KAT6B: variants seen among roughly 807,000 people sequenced by gnomAD.
KAT6B encodes the protein histone acetyltransferase KAT6B.
In KAT6B, 10 loss-of-function variants were observed where a neutral mutation model predicts 187.5. That is an observed-to-expected ratio of 0.05 (90% confidence interval 0.03 to 0.09). The LOEUF (loss-of-function observed/expected upper bound fraction) is 0.09. Ranked by LOEUF, KAT6B falls within the 10% of genes least tolerant of loss-of-function variation. The pLI is 1.00. For missense variants in KAT6B, 1,952 were observed against 2,558.9 expected, an observed-to-expected ratio of 0.76 and a Z score of 5.12; for synonymous variants, 861 against 926.8, an observed-to-expected ratio of 0.93 and a Z score of 1.29.
chr10:75,030,295 C>G lies in KAT6B; in HGVS notation c.5471C>G (p.Thr1824Ser), dbSNP rs763923647. Reference sequence around the variant, plus strand: ...AGCCTTGCCAAACTGCAGCAGTTAACTAATACACTTATTGATCATTCATTG... The same window carrying G: ...AGCCTTGCCAAACTGCAGCAGTTAAGTAATACACTTATTGATCATTCATTG... ...TFSLAKLQQL[T>S]NTLIDHSLPY... The change falls in exon 18 of 18, where the codon ACT (threonine) becomes AGT (serine). Residue 1824 changes from threonine to serine, a missense_variant. Thr to Ser is a moderately conservative substitution (Grantham distance 58, BLOSUM62 1). Around this residue, in one of 9 missense-constraint regions of KAT6B, gnomAD observed 358 missense variants for 436.3 expected, o/e 0.82. Coordinates refer to ENST00000287239, the MANE Select transcript of KAT6B (RefSeq NM_012330.4). This position sits in a 1 kb window ranked among gnomAD's most constrained non-coding sequence, Gnocchi z 4.8. 7 of 1,614,262 alleles carry G rather than the reference C, an allele frequency of 4.3e-6. No homozygotes were observed. The highest frequency in any genetic ancestry group is 5.9e-6 in the Non-Finnish European group (7 of 1,180,038).
chr10:74,984,806 T>A, intron 11 of KAT6B: 1 of 434,532 alleles, frequency 2.3e-6, no homozygotes, highest in Non-Finnish European at 4.2e-6. Flanking sequence ...TAAAAATTAC[T>A]CCTTTACTAG....
chr10:74,939,753 C>G (rs538180811), intron 3 of KAT6B, among the ~76,000 whole-genome samples: 1 of 152,248 alleles, frequency 6.6e-6, no homozygotes, highest in African/African-American at 2.4e-5. Flanking sequence ...TGATTTTAAA[C>G]AACTAAATTG....
chr10:74,867,404 C>T (rs1320704492), intron 3 of KAT6B, among the ~76,000 whole-genome samples: 1 of 152,076 alleles, frequency 6.6e-6, no homozygotes, highest in Non-Finnish European at 1.5e-5. Context: ...TGAAAGGATC[C>T]AGATCGTGTC....
chr10:74,918,284 C>T (rs1332622151), intron 3 of KAT6B, among the ~76,000 whole-genome samples: 3 of 152,202 alleles, frequency 2.0e-5, no homozygotes, highest in Non-Finnish European at 4.4e-5. Flanking sequence ...AAGAGAAAAA[C>T]TCCTGCTCTT....
In KAT6B at chr10:74,976,188, T is replaced by G. The variant is rs1842148699; in HGVS notation, c.1851T>G (p.Ile617Met). ...CTAGAGGAAGTATTTTTAAAGCAAT[T>G]GCTCACTTCAAGCGAACAACTTTCC... ...GMARGSIFKA[I>M]AHFKRTTFLK... Residue 617 changes from isoleucine to methionine, a missense_variant, in exon 8 of 18, where the codon ATT (isoleucine) becomes ATG (methionine). Ile to Met is a conservative substitution (Grantham distance 10, BLOSUM62 1). Coordinates refer to ENST00000287239, the MANE Select transcript of KAT6B (RefSeq NM_012330.4). The G allele has an allele frequency of 1.9e-6, 3 of 1,614,072 alleles. No individual in the cohort carries two copies. The South Asian group carries it at 3.3e-5, about 18-fold the overall frequency.
At chr10:74,965,557 T>C (rs1841401720) in intron 4 of KAT6B, among the ~76,000 whole-genome samples, 2 of 152,194 alleles carry the variant, frequency 1.3e-5, no homozygotes, top group African/African-American at 2.4e-5. Context: ...TGAGTCGTTA[T>C]TAGTTTTCCA....
Position 75,031,167 on chromosome 10 carries a change from A to C in KAT6B, c.*121A>C. The C allele has an allele frequency of 1.8e-6, 2 of 1,136,596 alleles. No homozygotes were observed. Among genetic ancestry groups the C allele is most frequent in the Non-Finnish European group, 1.3e-6 (1 of 795,736 alleles). The allele number at this position is 1,136,596 out of a possible 1,614,324, so 70.4% of individuals were successfully genotyped here. On this transcript the variant is annotated 3_prime_UTR_variant, in exon 18 of 18. Coordinates refer to ENST00000287239, the MANE Select transcript of KAT6B (RefSeq NM_012330.4). The stretch of plus-strand genomic sequence containing the variant: ...TGTGAATGCAAAAACATTTGTTGGC[A>C]CCATTTATTTAAAAAAAAAAAAAGC...
At position 74,940,367 on chromosome 10, in the gene KAT6B, C is replaced by T. The variant is rs370515565; in HGVS notation, c.622-19603C>T. Among the ~76,000 whole-genome samples the T allele has an allele frequency of 5.3e-5, 8 of 151,342 alleles. No individual in the cohort carries two copies. The East Asian group carries it at 1.2e-3, about 22-fold the overall frequency. On this transcript the variant is annotated intron_variant, in intron 3 of 17. Transcript: ENST00000287239. ...CTCAGCTCACTGCAACCTCCACCTC[C>T]TGGGTTCAAGTGATTCGCCTGCCTC...
At chr10:74,981,302 TCTTTCTTCCTTC>T (rs1263756111) in intron 10 of KAT6B, among the ~76,000 whole-genome samples, 8 of 126,670 alleles carry the variant, frequency 6.3e-5, no homozygotes, top group African/African-American at 2.8e-4. Context: ...TTTCTTTCTT[TCTTTCTTCCTTC>T]CTTCCTTCCT....
intron 3 of KAT6B, among the ~76,000 whole-genome samples, chr10:74,859,316 C>T (rs1843012766): frequency 6.6e-6 from 1 of 151,864 alleles, no homozygotes; most frequent in African/African-American, 2.4e-5. Context: ...AACCCCTGGC[C>T]TCAAGAGATC....
intron 4 of KAT6B, among the ~76,000 whole-genome samples, chr10:74,964,144 T>TA (rs1047555098): frequency 6.6e-6 from 1 of 151,190 alleles, no homozygotes; most frequent in Non-Finnish European, 1.5e-5. Flanking sequence ...AAAATAAAAA[T>TA]AAAAAAACAA....
At chr10:75,022,443 G>A (rs894170702) in intron 16 of KAT6B, among the ~76,000 whole-genome samples, 1 of 152,208 alleles carries the variant, frequency 6.6e-6, no homozygotes, top group Non-Finnish European at 1.5e-5. Flanking sequence ...CAGGAAACCA[G>A]GGACAGGCCA....
At chr10:74,835,401 C>T (rs954756646) in intron 1 of KAT6B, among the ~76,000 whole-genome samples, 3 of 152,120 alleles carry the variant, frequency 2.0e-5, no homozygotes, top group South Asian at 4.1e-4. Context: ...TCCTTTAAAG[C>T]GAATCTTATG....
chr10:74,854,002 CCTTTT>C (rs1310141297), intron 3 of KAT6B, among the ~76,000 whole-genome samples: 1 of 152,120 alleles, frequency 6.6e-6, no homozygotes, highest in African/African-American at 2.4e-5. Context: ...TTATAAACTT[CCTTTT>C]CTTGGCCCTG....
chr10:74,858,862 G>A lies in KAT6B; in HGVS notation c.621+15384G>A, dbSNP rs570566328. On this transcript the variant is annotated intron_variant, in intron 3 of 17. Coordinates refer to ENST00000287239, the MANE Select transcript of KAT6B (RefSeq NM_012330.4). ...CCCAGCTACTCAGGAGGCTGAGGCA[G>A]GAGAATCGCTTGAACCTTGGAGGTG... Among the ~76,000 whole-genome samples the A allele has an allele frequency of 3.3e-5, 5 of 151,846 alleles. No individual in the cohort carries two copies. In the South Asian group the frequency reaches 6.2e-4, roughly 19 times the overall value.
chr10:74,951,056 G>A (rs1840285601), intron 3 of KAT6B, among the ~76,000 whole-genome samples: 1 of 151,214 alleles, frequency 6.6e-6, no homozygotes, highest in East Asian at 1.9e-4. Context: ...ACATAGTCTT[G>A]TTATAATTTT....
Position 75,028,992 on chromosome 10 carries a change from A to G in KAT6B, c.4168A>G (p.Lys1390Glu). The G allele has an allele frequency of 6.2e-7, 1 of 1,614,092 alleles. No individual in the cohort carries two copies. Among genetic ancestry groups the G allele is most frequent in the South Asian group, 1.1e-5 (1 of 91,080 alleles). The change falls in exon 18 of 18, where the codon AAA (lysine) becomes GAA (glutamate). Residue 1390 changes from lysine (K) to glutamate (E), a missense_variant. Lys to Glu is a moderately conservative substitution (Grantham distance 56). This residue lies in a region of KAT6B where 758 missense variants were observed against 891.4 expected (regional missense o/e 0.85). Transcript: ENST00000287239. The stretch of plus-strand genomic sequence containing the variant: ...TCCAGATGGTGCTAAAAGCCAAGAA[A>G]AAGAGGAACCAGAAATCTCCACGGA... Reference protein sequence around the residue: ...KDPDGAKSQEKEEPEISTEKE... With the variant: ...KDPDGAKSQEEEEPEISTEKE...
chr10:74,939,278 A>C (rs1388594846), intron 3 of KAT6B, among the ~76,000 whole-genome samples: 9 of 152,154 alleles, frequency 5.9e-5, no homozygotes, highest in Admixed American at 5.9e-4. Context: ...CTAATCTTTG[A>C]TATTAACTAT....
intron 3 of KAT6B, among the ~76,000 whole-genome samples, chr10:74,885,976 C>G (rs1329056665): frequency 6.6e-6 from 1 of 152,138 alleles, no homozygotes; most frequent in Non-Finnish European, 1.5e-5. Context: ...TGTGATCCTC[C>G]CACCTTGGCC....
Sources: gnomAD v4.1 joint callset for allele counts (sites outside exome capture counted in the v4.1 genomes callset) on GRCh38, gnomAD v4.1.1 for gene constraint, gnomAD v4.1.1 regional missense constraint, Gnocchi (gnomAD v3.1) non-coding constraint, MANE v1.5 for transcripts, NCBI Gene and HGNC (gene_info 2026-07-23, HGNC 2026-07-21) for gene names.